CNTLN: variants seen among roughly 807,000 people sequenced by gnomAD.
CNTLN encodes centlein, also known as centlein, centrosomal protein.
In CNTLN, 212 loss-of-function variants were observed where a neutral mutation model predicts 180.0. The ratio of observed to expected loss-of-function variants is 1.18; its 90% CI spans 1.05 to 1.32. CNTLN has a LOEUF of 1.32. Among genes scored for constraint, CNTLN ranks in the 40% most tolerant of loss-of-function variants. The probability of loss-of-function intolerance (pLI) is 0.00; values close to 1 mark genes in which losing one functional copy is unlikely to be tolerated. For missense variants in CNTLN, 2,095 were observed against 1,610.9 expected, an observed-to-expected ratio of 1.30 and a Z score of -5.14; for synonymous variants, 722 against 563.1, an observed-to-expected ratio of 1.28 and a Z score of -3.99.
At chr9:17,528,516 T>G in the CNTLN span, among the ~76,000 whole-genome samples, 1 of 152,196 alleles carries the variant, frequency 6.6e-6, no homozygotes, top group African/African-American at 2.4e-5. Context: ...GAAAGGACAC[T>G]GAGGAGATAT....
chr9:17,359,636 C>G (rs1030849354), intron 12 of CNTLN, among the ~76,000 whole-genome samples: 1 of 147,652 alleles, frequency 6.8e-6, no homozygotes, highest in African/African-American at 2.5e-5. Flanking sequence ...AATCCCAGCA[C>G]TTTGGGAGGC....
At chr9:17,469,982 TG>T in intron 23 of CNTLN, among the ~76,000 whole-genome samples, 1 of 152,046 alleles carries the variant, frequency 6.6e-6, no homozygotes, top group Admixed American at 6.6e-5. Context: ...AGTGGCTAAT[TG>T]CTATCTCAAT....
At chr9:17,155,639 C>G (rs554296512) in intron 2 of CNTLN, among the ~76,000 whole-genome samples, 1 of 152,156 alleles carries the variant, frequency 6.6e-6, no homozygotes. Flanking sequence ...CCAGGTGGAT[C>G]TCAGATTGCT....
At chr9:17,345,535 G>GT (rs535222015) in intron 12 of CNTLN, among the ~76,000 whole-genome samples, 2,668 of 140,596 alleles carry the variant, frequency 0.019, 73 homozygotes, top group African/African-American at 0.064. Context: ...TTTTTGAGTA[G>GT]TTTTTTTTTT....
chr9:17,222,819 T>G (rs1185027139), intron 2 of CNTLN, among the ~76,000 whole-genome samples: 1 of 152,096 alleles, frequency 6.6e-6, no homozygotes, highest in Non-Finnish European at 1.5e-5. Context: ...CTTTATTCTC[T>G]TAAATTACTG....
rs559452782 is a variant in CNTLN, at chr9:17,497,290, T to C, written c.4120-5261T>C. Among the ~76,000 whole-genome samples, 3 of 152,234 alleles carry C rather than the reference T, an allele frequency of 2.0e-5. No individual in the cohort carries two copies. In the East Asian group the frequency reaches 5.8e-4, roughly 29 times the overall value. ...GGGTTTAGCTCTATCTAGGCAAGTTTTGGGGACGAGAATTATAGTGTCACA... is the reference window on the plus strand; with the variant it reads ...GGGTTTAGCTCTATCTAGGCAAGTTCTGGGGACGAGAATTATAGTGTCACA... On this transcript the variant is annotated intron_variant, in intron 25 of 25. Coordinates refer to ENST00000380647, the MANE Select transcript of CNTLN (RefSeq NM_017738.4).
intron 2 of CNTLN, among the ~76,000 whole-genome samples, chr9:17,205,055 C>G (rs1822821279): frequency 6.6e-6 from 1 of 152,116 alleles, no homozygotes; most frequent in Non-Finnish European, 1.5e-5. Flanking sequence ...TCGATCATCC[C>G]AGGTCGACTT....
chr9:17,456,978 C>T (rs1488751853), intron 18 of CNTLN, among the ~76,000 whole-genome samples: 1 of 152,154 alleles, frequency 6.6e-6, no homozygotes, highest in Non-Finnish European at 1.5e-5. Flanking sequence ...AACAATCAAT[C>T]AAGTGCATAA....
At chr9:17,483,695 T>C (rs893853228) in intron 23 of CNTLN, among the ~76,000 whole-genome samples, 1 of 152,216 alleles carries the variant, frequency 6.6e-6, no homozygotes, top group African/African-American at 2.4e-5. Context: ...ACTTAAAGGC[T>C]TGTGAAGTAG....
rs759440301 is a variant in CNTLN at position 17,502,631 on chromosome 9, A to T, written c.4200A>T (p.Thr1400=). 7.5e-7 allele frequency: 1 copy of T among 1,328,038 alleles called. No homozygotes were observed. The highest frequency in any genetic ancestry group is 1.4e-5 in the South Asian group (1 of 73,672). 82.3% of individuals were successfully genotyped at this position (1,328,038 alleles called of 1,614,324 possible). The change falls in exon 26 of 26, where the codon ACA becomes ACT. Residue 1400 remains threonine (T), a synonymous_variant. Transcript: ENST00000380647. ...EKKKLVEGYF[T]IMKDIR Reference sequence around the variant, plus strand: ...AGAAACTAGTTGAAGGATATTTCACAATTATGAAAGATATTAGATGATATT... The same window carrying T: ...AGAAACTAGTTGAAGGATATTTCACTATTATGAAAGATATTAGATGATATT...
At chr9:17,238,282 A>G (rs1415422873) in intron 5 of CNTLN, among the ~76,000 whole-genome samples, 2 of 152,192 alleles carry the variant, frequency 1.3e-5, no homozygotes, top group African/African-American at 4.8e-5. Flanking sequence ...TCAAATGTTT[A>G]AAGGTTTTAT....
chr9:17,449,418 C>T (rs1005479086), intron 18 of CNTLN, among the ~76,000 whole-genome samples: 11 of 151,854 alleles, frequency 7.2e-5, no homozygotes, highest in Admixed American at 3.3e-4. Context: ...GTGGGTGCAG[C>T]GCACCAGCGT....
rs200397251 is a variant in CNTLN at position 17,459,307 on chromosome 9, TAA to T, written c.3306+1593_3306+1594del. Among the ~76,000 whole-genome samples the T allele has an allele frequency of 7.5e-3, 1,145 of 151,990 alleles. 9 individuals carry two copies. Among genetic ancestry groups the T allele is most frequent in the African/African-American group, 0.026 (1,080 of 41,530 alleles). ...CTTTGCATTATGGTTTTCCATGGTA[TAA>T]GTTTTTACCCCACATACAAATCTCT... On this transcript the variant is annotated intron_variant, in intron 19 of 25. Transcript: ENST00000380647.
At chr9:17,528,177 A>G in the CNTLN span, among the ~76,000 whole-genome samples, 2 of 152,166 alleles carry the variant, frequency 1.3e-5, no homozygotes, top group African/African-American at 2.4e-5. Flanking sequence ...GGCTGCATGT[A>G]GTGACTTTTT....
chr9:17,447,634 C>G (rs1830522492), intron 18 of CNTLN: 1 of 153,310 alleles, frequency 6.5e-6, no homozygotes, highest in African/African-American at 2.4e-5. Context: ...GTGGTTTATT[C>G]AACTGAAGTT....
intron 5 of CNTLN, among the ~76,000 whole-genome samples, chr9:17,267,620 A>G (rs1435546574): frequency 1.3e-5 from 2 of 152,048 alleles, no homozygotes; most frequent in Admixed American, 6.5e-5. Flanking sequence ...CCTGGATAAT[A>G]TCCTGCAGAG....
At chr9:17,291,195 T>C (rs1403649599) in intron 6 of CNTLN, among the ~76,000 whole-genome samples, 1 of 152,208 alleles carries the variant, frequency 6.6e-6, no homozygotes, top group Non-Finnish European at 1.5e-5. Flanking sequence ...CTTTTGTATT[T>C]GCTGAGGAGT....
intron 2 of CNTLN, among the ~76,000 whole-genome samples, chr9:17,206,779 G>C (rs1016567114): frequency 6.6e-6 from 1 of 152,242 alleles, no homozygotes; most frequent in Admixed American, 6.5e-5. Flanking sequence ...CGTTCATCCA[G>C]TGTTGTTTCG....
intron 13 of CNTLN, among the ~76,000 whole-genome samples, chr9:17,371,869 G>A (rs536559587): frequency 7.0e-4 from 107 of 152,192 alleles, no homozygotes; most frequent in African/African-American, 2.5e-3. Flanking sequence ...AATGACCCGT[G>A]TGTCAATGAA....
Sources: gnomAD v4.1 joint callset for allele counts (sites outside exome capture counted in the v4.1 genomes callset) on GRCh38, gnomAD v4.1.1 for gene constraint, MANE v1.5 for transcripts, NCBI Gene and HGNC (gene_info 2026-07-23, HGNC 2026-07-21) for gene names.